Variants in HDAC11 observed in about 807,000 individuals in gnomAD.
The protein encoded by HDAC11 is histone deacetylase 11.
HDAC11 carries 23 observed loss-of-function variants against 41.1 expected under a neutral mutation model. The ratio of observed to expected loss-of-function variants is 0.56; its 90% CI spans 0.40 to 0.79. The LOEUF is 0.79. Among genes scored for constraint, HDAC11 ranks in the 30% least tolerant of loss-of-function variants. HDAC11 has a pLI of 0.00. For missense variants in HDAC11, 402 were observed against 477.3 expected (o/e 0.84, Z 1.47); for synonymous variants, 187 against 186.6 (o/e 1.00, Z -0.02).
chr3:13,486,567 A>AGG (rs1319539486), intron 3 of HDAC11, among the ~76,000 whole-genome samples: 36 of 121,010 alleles, frequency 3.0e-4, no homozygotes, highest in African/African-American at 1.2e-3. Context: ...ACTCATGTAG[A>AGG]GGTGTTTTTT....
chr3:13,502,161 A>C lies in HDAC11; in HGVS notation c.552+228A>C. 3.7e-6 allele frequency: 2 copies of C among 547,602 alleles called. No individual in the cohort carries two copies. Among genetic ancestry groups the C allele is most frequent in the Non-Finnish European group, 6.5e-6 (2 of 306,608 alleles). 33.9% of individuals were successfully genotyped at this position (547,602 alleles called of 1,614,324 possible). ...CCTCCCTCCTCCTGACTGCCCCCAC[A>C]TGAGGCTCTTCCTGAAGCCCACTCT... On this transcript the variant is annotated intron_variant, in intron 7 of 9. Coordinates refer to ENST00000295757, the MANE Select transcript of HDAC11 (RefSeq NM_024827.4). This position sits in a 1 kb window ranked among gnomAD's most constrained non-coding sequence, Gnocchi z 4.1.
Position 13,504,881 on chromosome 3 carries a change from G to A in HDAC11, c.*198G>A, listed in dbSNP as rs1422468671. ...AGGGCTTGAGGCCTCTATGGGTGGG[G>A]GCAGAAGGCAGAGCCTGTGTCCCAG... On this transcript the variant is annotated 3_prime_UTR_variant, in exon 10 of 10. Transcript: ENST00000295757. 4 of 608,290 alleles carry A rather than the reference G, an allele frequency of 6.6e-6. No homozygotes were observed. Among genetic ancestry groups the A allele is most frequent in the Non-Finnish European group, 1.2e-5 (4 of 343,612 alleles). 37.7% of individuals were successfully genotyped at this position (608,290 alleles called of 1,614,324 possible).
Position 13,485,388 on chromosome 3 carries a change from G to A in HDAC11, c.252+1824G>A, listed in dbSNP as rs138014932. Among the ~76,000 whole-genome samples the A allele has an allele frequency of 5.1e-3, 779 of 152,370 alleles. 6 individuals carry two copies. The highest frequency in any genetic ancestry group is 0.018 in the African/African-American group (755 of 41,596). Reference sequence around the variant, plus strand: ...TGGTCACAGTCCACAGCCTAGGGCTGGGCCAGGAGGACATGCCTGCCAGAG... The same window carrying A: ...TGGTCACAGTCCACAGCCTAGGGCTAGGCCAGGAGGACATGCCTGCCAGAG... On this transcript the variant is annotated intron_variant, in intron 3 of 9. Transcript: ENST00000295757.
In HDAC11 at chr3:13,480,339, G is replaced by A. The variant is rs1296277294; in HGVS notation, c.-9G>A. ...AGCTGCGGCCAGCTTTGGGAGGGCC[G>A]GCCCCGGGATGTGAGTGCCGCGGGG... On this transcript the variant is annotated 5_prime_UTR_variant, in exon 1 of 10. Transcript: ENST00000295757. The surrounding 1 kb of genome is among the most constrained non-coding windows in gnomAD (Gnocchi z 4.6). 2.5e-6 allele frequency: 3 copies of A among 1,223,252 alleles called. No individual in the cohort carries two copies. The highest frequency in any genetic ancestry group is 3.9e-5 in the South Asian group (1 of 25,328). The allele number at this position is 1,223,252 out of a possible 1,614,324, so 75.8% of individuals were successfully genotyped here. A position where few individuals can be genotyped will look rare whatever the true frequency, so the allele number is the denominator to read the frequency against.
chr3:13,486,656 GCAACCT>G (rs1701605163), intron 3 of HDAC11, among the ~76,000 whole-genome samples: 1 of 141,160 alleles, frequency 7.1e-6, no homozygotes, highest in African/African-American at 2.7e-5. Flanking sequence ...TCAGCTCACA[GCAACCT>G]CTGCCTCTTG....
intron 3 of HDAC11, among the ~76,000 whole-genome samples, chr3:13,492,615 G>C (rs1016824557): frequency 1.3e-5 from 2 of 152,108 alleles, no homozygotes; most frequent in Non-Finnish European, 2.9e-5. Context: ...TGCGATCTTG[G>C]CTCACTGCAA....
chr3:13,484,056 C>G (rs1211717905), intron 3 of HDAC11, among the ~76,000 whole-genome samples: 2 of 152,142 alleles, frequency 1.3e-5, no homozygotes, highest in African/African-American at 4.8e-5. Context: ...CTTCCGGGTT[C>G]AAGCAATTAT....
At position 13,502,548 on chromosome 3, in the gene HDAC11, A is replaced by G. The variant is rs543400302; in HGVS notation, c.553-336A>G. ...TCTTGCGACCCCGAACTCCTGAGCC[A>G]GGTCACATGTGGACAGTCCTTTACA... On this transcript the variant is annotated intron_variant, in intron 7 of 9. Transcript: ENST00000295757. The surrounding 1 kb of genome is among the most constrained non-coding windows in gnomAD (Gnocchi z 4.1). The G allele has an allele frequency of 1.1e-3, 244 of 231,036 alleles. 5 individuals are homozygous for G. In the South Asian group the frequency reaches 0.017, roughly 16 times the overall value. 14.3% of individuals were successfully genotyped at this position (231,036 alleles called of 1,614,324 possible).
chr3:13,490,744 C>CTTTTTTTT lies in HDAC11; in HGVS notation c.253-5973_253-5966dup, dbSNP rs59531656. ...TGAATTTGTTTCTTAGCATTTTTTT[C>CTTTTTTTT]TTTTTTTTTTTTTTTTTTTTTTTTT... On this transcript the variant is annotated intron_variant, in intron 3 of 9. Coordinates refer to ENST00000295757, the MANE Select transcript of HDAC11 (RefSeq NM_024827.4). Among the ~76,000 whole-genome samples the CTTTTTTTT allele has an allele frequency of 1.5e-3, 61 of 41,456 alleles. 1 individual carries two copies. The highest frequency in any genetic ancestry group is 1.9e-3 in the Non-Finnish European group (47 of 24,194). 27.2% of individuals were successfully genotyped at this position (41,456 alleles called of 152,430 possible).
chr3:13,481,332 G>C lies in HDAC11; in HGVS notation c.89G>C (p.Gly30Ala), dbSNP rs1409281526. The change falls in exon 2 of 10, where the codon GGC (glycine) becomes GCC (alanine). Residue 30 changes from glycine (G) to alanine (A), a missense_variant. Gly to Ala is a moderately conservative substitution (Grantham distance 60). Coordinates refer to ENST00000295757, the MANE Select transcript of HDAC11 (RefSeq NM_024827.4). ...CCGCGCTACAACATCACCTTCATGGGCCTGGAGAAGCTGCATCCCTTTGAT... is the reference window on the plus strand; with the variant it reads ...CCGCGCTACAACATCACCTTCATGGCCCTGGAGAAGCTGCATCCCTTTGAT... ...YSPRYNITFMGLEKLHPFDAG... is the reference protein window; with the variant it reads ...YSPRYNITFMALEKLHPFDAG... 6.2e-7 allele frequency: 1 copy of C among 1,613,850 alleles called. No individual in the cohort carries two copies. Among genetic ancestry groups the C allele is most frequent in the Non-Finnish European group, 8.5e-7 (1 of 1,180,030 alleles).
chr3:13,501,817 G>A (rs1242785827), intron 6 of HDAC11, 54 bp from the exon 7 acceptor site: 2 of 1,538,774 alleles, frequency 1.3e-6, no homozygotes, highest in Non-Finnish European at 1.8e-6. Flanking sequence ...TTGCTGTAGG[G>A]CTGGGTCCTC....
chr3:13,496,872 A>G lies in HDAC11; in HGVS notation c.369+20A>G, dbSNP rs1488563149. ...ATAATGGTAGGTGGGGTGGGGGGGC[A>G]TGGCTGGGCTGGGGGCCCCCACACC... On this transcript the variant is annotated intron_variant, in intron 4 of 9. Coordinates refer to ENST00000295757, the MANE Select transcript of HDAC11 (RefSeq NM_024827.4). 2.6e-6 allele frequency: 2 copies of G among 755,256 alleles called. No individual in the cohort carries two copies. The highest frequency in any genetic ancestry group is 1.9e-5 in the African/African-American group (1 of 53,256). 46.8% of individuals were successfully genotyped at this position (755,256 alleles called of 1,614,324 possible).
At chr3:13,486,510 C>A (rs1348325399) in intron 3 of HDAC11, among the ~76,000 whole-genome samples, 1 of 147,052 alleles carries the variant, frequency 6.8e-6, no homozygotes, top group Non-Finnish European at 1.5e-5. Flanking sequence ...GAGGGCCTCA[C>A]AGAGGAGGTG....
intron 3 of HDAC11, among the ~76,000 whole-genome samples, chr3:13,490,343 C>G (rs984794004): frequency 1.3e-5 from 2 of 152,096 alleles, no homozygotes; most frequent in Non-Finnish European, 2.9e-5. Flanking sequence ...CCTTGAGATT[C>G]CATGTGAATT....
At chr3:13,485,701 C>CTT (rs1319275023) in intron 3 of HDAC11, among the ~76,000 whole-genome samples, 2 of 151,948 alleles carry the variant, frequency 1.3e-5, no homozygotes, top group Non-Finnish European at 2.9e-5. Flanking sequence ...GGCAGGAGAC[C>CTT]TTGAGCCCAG....
intron 2 of HDAC11, among the ~76,000 whole-genome samples, chr3:13,481,849 C>T (rs985656121): frequency 3.9e-5 from 6 of 152,192 alleles, no homozygotes; most frequent in Non-Finnish European, 7.3e-5. Flanking sequence ...GGGGTAGGCA[C>T]CACAATCGCA....
intron 3 of HDAC11, among the ~76,000 whole-genome samples, chr3:13,493,125 A>G (rs776120297): frequency 2.0e-5 from 3 of 152,140 alleles, no homozygotes; most frequent in Non-Finnish European, 4.4e-5. Context: ...GGCATGCTGC[A>G]TGTCCCAGAG....
chr3:13,487,107 A>C (rs73140253), intron 3 of HDAC11, among the ~76,000 whole-genome samples: 4,849 of 152,058 alleles, frequency 0.032, 259 homozygotes, highest in African/African-American at 0.11. Flanking sequence ...GACAGTCACG[A>C]GGGGGTTTTC....
At chr3:13,488,472 T>C (rs1701698147) in intron 3 of HDAC11, among the ~76,000 whole-genome samples, 1 of 152,138 alleles carries the variant, frequency 6.6e-6, no homozygotes, top group Non-Finnish European at 1.5e-5. Flanking sequence ...ATTCTCTCTC[T>C]ATGGATTTGC....
Sources: allele counts gnomAD v4.1 joint callset (sites outside exome capture counted in the v4.1 genomes callset), GRCh38; gene constraint gnomAD v4.1.1; non-coding constraint Gnocchi (gnomAD v3.1); transcripts MANE v1.5; gene names NCBI Gene and HGNC (gene_info 2026-07-23, HGNC 2026-07-21).